Variants in DAB1 observed in about 807,000 individuals in gnomAD.
DAB1 encodes the protein DAB adaptor protein 1.
Under a neutral mutation model 64.6 loss-of-function variants are expected in DAB1, and 15 were observed. That is an observed-to-expected ratio of 0.23 (90% CI 0.16 to 0.36). The LOEUF (loss-of-function observed/expected upper bound fraction) is 0.36, where lower values mean the gene tolerates loss of function less well. Ranked by LOEUF, DAB1 falls within the 10% of genes least tolerant of loss-of-function variation. DAB1 has a pLI of 1.00. For missense variants in DAB1, 596 were observed against 706.7 expected (o/e 0.84, Z 1.78); for synonymous variants, 235 against 251.9 (o/e 0.93, Z 0.64).
intron 4 of DAB1, among the ~76,000 whole-genome samples, chr1:58,182,149 A>T (rs1336340136): frequency 2.6e-5 from 4 of 151,914 alleles, no homozygotes; most frequent in Non-Finnish European, 4.4e-5. Flanking sequence ...GTCAGTTGTG[A>T]ATCTTATTTT....
intron 1 of DAB1, among the ~76,000 whole-genome samples, chr1:57,400,253 T>C (rs1395893081): frequency 6.6e-6 from 1 of 152,176 alleles, no homozygotes; most frequent in East Asian, 1.9e-4. Context: ...GCATTGATTT[T>C]TCAGGTTAAT....
chr1:58,335,495 T>C (rs544469202), intron 4 of DAB1, among the ~76,000 whole-genome samples: 1 of 151,948 alleles, frequency 6.6e-6, no homozygotes, highest in Middle Eastern at 3.4e-3. Flanking sequence ...GGTCACTGCA[T>C]TGCACAACTC....
intron 7 of DAB1, among the ~76,000 whole-genome samples, chr1:57,586,106 T>G (rs910237381): frequency 3.9e-5 from 6 of 151,954 alleles, no homozygotes; most frequent in Admixed American, 3.9e-4. Context: ...GAGTTTATGA[T>G]CTAGTGGGGG....
intron 1 of DAB1, among the ~76,000 whole-genome samples, chr1:57,851,811 C>G (rs1653537881): frequency 6.6e-6 from 1 of 152,148 alleles, no homozygotes; most frequent in Non-Finnish European, 1.5e-5. Context: ...GGTTGTATCT[C>G]TTGATTTCAC....
At chr1:58,165,516 G>A (rs1012670761) in intron 4 of DAB1, among the ~76,000 whole-genome samples, 1 of 152,156 alleles carries the variant, frequency 6.6e-6, no homozygotes, top group Non-Finnish European at 1.5e-5. Context: ...ATCTGCAAAA[G>A]GGCGGCGAGC....
downstream of DAB1, among the ~76,000 whole-genome samples, chr1:57,821,606 A>G (rs1311011024): frequency 6.6e-6 from 1 of 152,190 alleles, no homozygotes; most frequent in Non-Finnish European, 1.5e-5. Flanking sequence ...GCTTACCTGG[A>G]GGTGTTATGG....
chr1:57,713,289 T>C (rs1647047507), intron 6 of DAB1, among the ~76,000 whole-genome samples: 1 of 152,090 alleles, frequency 6.6e-6, no homozygotes, highest in Admixed American at 6.6e-5. Flanking sequence ...TTAGGAGTGG[T>C]AGGGAGAAAA....
chr1:58,094,910 A>C (rs1650889894), intron 5 of DAB1, among the ~76,000 whole-genome samples: 1 of 152,226 alleles, frequency 6.6e-6, no homozygotes, highest in Admixed American at 6.5e-5. Flanking sequence ...CTGTGGTCCA[A>C]AGACCACACT....
chr1:57,384,478 G>A (rs1038749258), intron 1 of DAB1, among the ~76,000 whole-genome samples: 1 of 152,172 alleles, frequency 6.6e-6, no homozygotes, highest in African/African-American at 2.4e-5. Flanking sequence ...ATTCATAGCA[G>A]CATTATTCAC....
At chr1:58,126,606 C>T (rs985212299) in intron 5 of DAB1, among the ~76,000 whole-genome samples, 5 of 150,148 alleles carry the variant, frequency 3.3e-5, no homozygotes, top group Non-Finnish European at 5.9e-5. Context: ...TCCCTCCCCC[C>T]CTACCCCCCA....
chr1:57,760,850 T>C (rs3118053), intron 6 of DAB1, among the ~76,000 whole-genome samples: 84,086 of 151,942 alleles, frequency 0.55, 23,772 homozygotes, highest in African/African-American at 0.66. Context: ...CAAACAAATT[T>C]GAAGACTCTG....
chr1:57,559,446 G>C (rs184249560), intron 7 of DAB1, among the ~76,000 whole-genome samples: 64 of 152,310 alleles, frequency 4.2e-4, no homozygotes, highest in African/African-American at 1.5e-3. Context: ...CCTTCCCGAA[G>C]GGGACCTCTG....
chr1:57,163,588 T>C (rs1338419453), intron 2 of DAB1, among the ~76,000 whole-genome samples: 1 of 151,982 alleles, frequency 6.6e-6, no homozygotes, highest in Admixed American at 6.6e-5. Flanking sequence ...CGGTACCTTA[T>C]GCAGGGGCAT....
intron 4 of DAB1, among the ~76,000 whole-genome samples, chr1:57,085,950 A>G (rs1043288372): frequency 6.6e-6 from 1 of 152,150 alleles, no homozygotes; most frequent in Non-Finnish European, 1.5e-5. Context: ...GGTGGGGATC[A>G]AGATGTTCTA....
intron 7 of DAB1, among the ~76,000 whole-genome samples, chr1:57,592,949 A>C (rs1208123688): frequency 1.3e-5 from 2 of 152,094 alleles, no homozygotes; most frequent in African/African-American, 4.8e-5. Flanking sequence ...CTCTATATGT[A>C]GTCACACTGA....
chr1:57,432,574 G>A (rs1268698493), intron 7 of DAB1, among the ~76,000 whole-genome samples: 1 of 152,152 alleles, frequency 6.6e-6, no homozygotes, highest in African/African-American at 2.4e-5. Context: ...GAAAATTAAG[G>A]TAACAAGAAG....
At chr1:57,149,718 A>G (rs1435849906) in intron 2 of DAB1, among the ~76,000 whole-genome samples, 6 of 152,178 alleles carry the variant, frequency 3.9e-5, no homozygotes, top group Non-Finnish European at 7.3e-5. Context: ...CATGAACCAT[A>G]GGAACCATAG....
At chr1:57,706,669 A>G (rs985372249) in intron 6 of DAB1, among the ~76,000 whole-genome samples, 1 of 151,908 alleles carries the variant, frequency 6.6e-6, no homozygotes, top group Non-Finnish European at 1.5e-5. Flanking sequence ...CCTTTACCCA[A>G]TTTCCCCCAA....
intron 5 of DAB1, among the ~76,000 whole-genome samples, chr1:58,070,726 C>T (rs184545493): frequency 9.2e-5 from 14 of 152,244 alleles, no homozygotes; most frequent in Non-Finnish European, 1.9e-4. Flanking sequence ...GATGCTGAAT[C>T]CGCATCTCTA....
Sources: gnomAD v4.1 joint callset for allele counts (sites outside exome capture counted in the v4.1 genomes callset) on GRCh38, gnomAD v4.1.1 for gene constraint, MANE v1.5 for transcripts, NCBI Gene and HGNC (gene_info 2026-07-23, HGNC 2026-07-21) for gene names.